PTPRM: variants seen among roughly 807,000 people sequenced by gnomAD.
The protein encoded by PTPRM is protein tyrosine phosphatase receptor type M, also known as receptor-type tyrosine-protein phosphatase mu.
In PTPRM, 47 loss-of-function variants were observed where a neutral mutation model predicts 186.7. That is an observed-to-expected ratio of 0.25 (90% confidence interval 0.20 to 0.32). PTPRM has a LOEUF of 0.32. Among genes scored for constraint, PTPRM ranks in the 10% least tolerant of loss-of-function variants. The pLI is 1.00. For missense variants in PTPRM, 1,494 were observed against 1,865.0 expected, an observed-to-expected ratio of 0.80 and a Z score of 3.66; for synonymous variants, 668 against 674.9, an observed-to-expected ratio of 0.99 and a Z score of 0.16.
chr18:7,698,520 T>G (rs146005585), intron 1 of PTPRM, among the ~76,000 whole-genome samples: 2 of 152,318 alleles, frequency 1.3e-5, no homozygotes, highest in Non-Finnish European at 2.9e-5. Context: ...CTTACCTCAT[T>G]AAGTACAAAA....
chr18:8,318,254 G>T (rs57497370), intron 21 of PTPRM, among the ~76,000 whole-genome samples: 1,567 of 137,256 alleles, frequency 0.011, 22 homozygotes, highest in African/African-American at 0.04. Context: ...TTCTTTCCCA[G>T]ATACTTATCC....
chr18:8,236,523 C>A (rs2094347376), intron 14 of PTPRM, among the ~76,000 whole-genome samples: 1 of 152,002 alleles, frequency 6.6e-6, no homozygotes, highest in Non-Finnish European at 1.5e-5. Flanking sequence ...ATCTGATAAT[C>A]TGCCTTTTAA....
intron 3 of PTPRM, among the ~76,000 whole-genome samples, chr18:7,905,558 G>A (rs1342779484): frequency 6.6e-6 from 1 of 152,090 alleles, no homozygotes; most frequent in Non-Finnish European, 1.5e-5. Context: ...TGGTGTCTCT[G>A]TCCTGAAGTG....
chr18:8,365,156 C>T (rs543863902), intron 23 of PTPRM, among the ~76,000 whole-genome samples: 4 of 152,300 alleles, frequency 2.6e-5, no homozygotes, highest in Non-Finnish European at 5.9e-5. Flanking sequence ...CTGAGGAAAG[C>T]GTAAAGCACC....
intron 23 of PTPRM, among the ~76,000 whole-genome samples, 170 bp downstream of exon 23, chr18:8,343,690 G>C (rs1210014112): frequency 6.6e-6 from 1 of 152,194 alleles, no homozygotes; most frequent in Non-Finnish European, 1.5e-5. Context: ...AGTAAACATA[G>C]CCTGAATTGC....
intron 1 of PTPRM, among the ~76,000 whole-genome samples, chr18:7,762,407 G>T (rs577282903): frequency 1.3e-5 from 2 of 152,190 alleles, no homozygotes; most frequent in Admixed American, 6.5e-5. Context: ...GATCATTGGG[G>T]GTGAATCTAC....
At chr18:8,235,476 T>TTTTTTTTTTTTTG (rs1481569126) in intron 14 of PTPRM, among the ~76,000 whole-genome samples, 79 of 136,762 alleles carry the variant, frequency 5.8e-4, no homozygotes, top group East Asian at 1.7e-3. Flanking sequence ...TTTTTTTTTT[T>TTTTTTTTTTTTTG]TTTAGCCTGG....
At chr18:7,597,832 A>C (rs968392389) in intron 1 of PTPRM, among the ~76,000 whole-genome samples, 2 of 152,186 alleles carry the variant, frequency 1.3e-5, no homozygotes, top group Non-Finnish European at 2.9e-5. Context: ...AGAGAGTACA[A>C]ATTTGCAAAG....
intron 24 of PTPRM, among the ~76,000 whole-genome samples, chr18:8,373,777 T>G (rs941914921): frequency 2.0e-5 from 3 of 151,972 alleles, no homozygotes; most frequent in Non-Finnish European, 4.4e-5. Context: ...CTCAGCACTT[T>G]GGGAGACTGA....
chr18:7,607,163 T>C (rs2037551110), intron 1 of PTPRM, among the ~76,000 whole-genome samples: 1 of 152,174 alleles, frequency 6.6e-6, no homozygotes, highest in Admixed American at 6.5e-5. Context: ...CCAGTGTTAC[T>C]GCATCAAACA....
At chr18:8,160,937 A>C (rs931363953) in intron 14 of PTPRM, among the ~76,000 whole-genome samples, 8 of 152,242 alleles carry the variant, frequency 5.3e-5, no homozygotes, top group Non-Finnish European at 1.0e-4. Flanking sequence ...GGGAGCTATC[A>C]AAATGTTCTT....
chr18:7,639,699 G>A (rs1460584920), intron 1 of PTPRM, among the ~76,000 whole-genome samples: 1 of 152,112 alleles, frequency 6.6e-6, no homozygotes, highest in Admixed American at 6.6e-5. Flanking sequence ...GCCTCTATAT[G>A]CTTTTATATT....
At chr18:8,228,925 A>T (rs1458553584) in intron 14 of PTPRM, among the ~76,000 whole-genome samples, 1 of 152,080 alleles carries the variant, frequency 6.6e-6, no homozygotes, top group Non-Finnish European at 1.5e-5. Context: ...AGGTGTTTTC[A>T]ACTTCCAAGG....
chr18:7,841,959 CT>C (rs977259842), intron 2 of PTPRM, among the ~76,000 whole-genome samples: 2 of 151,076 alleles, frequency 1.3e-5, no homozygotes, highest in African/African-American at 4.9e-5. Context: ...TTGCTGCTCT[CT>C]TTAGCTTTTC....
At chr18:7,591,877 G>A (rs1044356273) in intron 1 of PTPRM, among the ~76,000 whole-genome samples, 26 of 152,216 alleles carry the variant, frequency 1.7e-4, no homozygotes, top group Non-Finnish European at 2.9e-5. Context: ...GATGCTGGCT[G>A]TGCAATTGAG....
chr18:7,638,293 C>G (rs1225023288), intron 1 of PTPRM, among the ~76,000 whole-genome samples: 2 of 152,176 alleles, frequency 1.3e-5, no homozygotes, highest in African/African-American at 4.8e-5. Flanking sequence ...CTAATAATTT[C>G]AACTTCATGT....
In PTPRM at chr18:8,297,197, G is replaced by A. The variant is rs567311133; in HGVS notation, c.2842+742G>A. On this transcript the variant is annotated intron_variant, in intron 20 of 32. Coordinates refer to ENST00000580170, the MANE Select transcript of PTPRM (RefSeq NM_001105244.2). Reference sequence around the variant, plus strand: ...AGGCACTGACAGGCCCGCTGTAGTCGCCTAACATAATTAATACTATTTATA... The same window carrying A: ...AGGCACTGACAGGCCCGCTGTAGTCACCTAACATAATTAATACTATTTATA... 5.3e-5 allele frequency among the ~76,000 whole-genome samples: 8 copies of A among 152,228 alleles called. 1 individual carries two copies. Among genetic ancestry groups the A allele is most frequent in the Middle Eastern group, 6.8e-3 (2 of 294 alleles).
intron 14 of PTPRM, among the ~76,000 whole-genome samples, chr18:8,202,493 A>G (rs1220665434): frequency 1.3e-5 from 2 of 152,066 alleles, no homozygotes; most frequent in African/African-American, 2.4e-5. Context: ...AAATTTCTCC[A>G]TATGCAAAAA....
intron 11 of PTPRM, among the ~76,000 whole-genome samples, chr18:8,109,329 T>C (rs1440960047): frequency 6.6e-6 from 1 of 152,198 alleles, no homozygotes; most frequent in Non-Finnish European, 1.5e-5. Context: ...TTTCAGTGCT[T>C]AAATTATTAA....
Sources: allele counts gnomAD v4.1 joint callset (sites outside exome capture counted in the v4.1 genomes callset), GRCh38; gene constraint gnomAD v4.1.1; transcripts MANE v1.5; gene names NCBI Gene and HGNC (gene_info 2026-07-23, HGNC 2026-07-21).